The following CADM2 variants were observed in gnomAD, a reference collection of about 807,000 sequenced individuals.
CADM2 encodes immunoglobulin superfamily member 4D.
CADM2 carries 12 observed loss-of-function variants against 49.8 expected under a neutral mutation model. The ratio of observed to expected loss-of-function variants is 0.24; its 90% CI spans 0.15 to 0.39. The LOEUF (loss-of-function observed/expected upper bound fraction) is 0.39. Among genes scored for constraint, CADM2 ranks in the 10% least tolerant of loss-of-function variants. CADM2 has a pLI of 1.00. For synonymous variants in CADM2, 214 were observed against 175.4 expected (o/e 1.22, Z -1.74); for missense variants, 378 against 492.3 (o/e 0.77, Z 2.20).
chr3:85,068,450 T>C (rs2036600251), intron 1 of CADM2, among the ~76,000 whole-genome samples: 3 of 152,114 alleles, frequency 2.0e-5, no homozygotes, highest in South Asian at 2.1e-4. Context: ...ATATGTTAAG[T>C]TGAATTCTGA....
intron 1 of CADM2, among the ~76,000 whole-genome samples, chr3:85,700,115 G>T (rs796924107): frequency 7.9e-5 from 12 of 152,290 alleles, no homozygotes; most frequent in African/African-American, 2.9e-4. Flanking sequence ...ACTGGATAAA[G>T]AAAATGTGGC....
At chr3:85,502,854 T>C (rs990101158) in intron 1 of CADM2, among the ~76,000 whole-genome samples, 1 of 152,160 alleles carries the variant, frequency 6.6e-6, no homozygotes, top group African/African-American at 2.4e-5. Flanking sequence ...TCAATTACTG[T>C]TTATGTCAAC....
chr3:85,313,252 G>C (rs976316111), intron 1 of CADM2, among the ~76,000 whole-genome samples: 1 of 152,194 alleles, frequency 6.6e-6, no homozygotes, highest in African/African-American at 2.4e-5. Context: ...CCTGTCATTA[G>C]CTACAGATGC....
rs569701048 is a variant in CADM2, at chr3:85,940,356, AAC to A, written c.791+4501_791+4502del. Among the ~76,000 whole-genome samples, 132 of 151,730 alleles carry A rather than the reference AAC, an allele frequency of 8.7e-4. 1 individual carries two copies. The highest frequency in any genetic ancestry group is 3.0e-3 in the African/African-American group (126 of 41,420). ...CTCCATCCAAAAAAAATTACAGCAA[AAC>A]AGTTTTATATAAAGTCAATTTTCTT... On this transcript the variant is annotated intron_variant, in intron 7 of 9. Coordinates refer to ENST00000383699, the MANE Select transcript of CADM2 (RefSeq NM_001167675.2).
intron 5 of CADM2, among the ~76,000 whole-genome samples, chr3:85,910,764 C>T (rs1384428167): frequency 6.6e-6 from 1 of 151,802 alleles, no homozygotes; most frequent in East Asian, 1.9e-4. Flanking sequence ...GGTCATTTTC[C>T]CCTAATATGT....
chr3:85,444,529 A>G (rs1278699392), intron 1 of CADM2, among the ~76,000 whole-genome samples: 4 of 151,958 alleles, frequency 2.6e-5, no homozygotes, highest in African/African-American at 9.7e-5. Flanking sequence ...GTTCTCTGAG[A>G]TATCCCCATA....
chr3:85,646,764 G>A (rs974012332), intron 1 of CADM2, among the ~76,000 whole-genome samples: 1 of 151,840 alleles, frequency 6.6e-6, no homozygotes, highest in East Asian at 1.9e-4. Flanking sequence ...TGAAAACTAG[G>A]CCAGATTTAA....
intron 1 of CADM2, among the ~76,000 whole-genome samples, chr3:85,290,232 G>T (rs559905226): frequency 2.6e-5 from 4 of 152,138 alleles, no homozygotes; most frequent in African/African-American, 4.8e-5. Flanking sequence ...TTTTCCGATC[G>T]GCTTAAAAAA....
intron 1 of CADM2, among the ~76,000 whole-genome samples, chr3:85,472,458 C>A (rs879518037): frequency 6.6e-6 from 1 of 151,628 alleles, no homozygotes; most frequent in Non-Finnish European, 1.5e-5. Flanking sequence ...ATGTAGATAC[C>A]GATGAGGATA....
At chr3:85,060,247 A>G (rs1163906304) in intron 1 of CADM2, among the ~76,000 whole-genome samples, 3 of 151,874 alleles carry the variant, frequency 2.0e-5, no homozygotes, top group Admixed American at 1.3e-4. Context: ...TCTCCTGCCT[A>G]AGCCTCCTAA....
chr3:85,109,278 T>G (rs1025322344), intron 1 of CADM2, among the ~76,000 whole-genome samples: 2 of 151,912 alleles, frequency 1.3e-5, no homozygotes, highest in Admixed American at 1.3e-4. Context: ...GTCCATAAAA[T>G]TCATTCTCCA....
At chr3:86,014,901 G>T in intron 8 of CADM2, 3 of 1,533,026 alleles carry the variant, frequency 2.0e-6, no homozygotes, top group Non-Finnish European at 2.7e-6. Flanking sequence ...TATTCTTCCT[G>T]TGATGACGGT....
At chr3:85,101,422 C>CA (rs1237236981) in intron 1 of CADM2, among the ~76,000 whole-genome samples, 1 of 151,826 alleles carries the variant, frequency 6.6e-6, no homozygotes, top group Non-Finnish European at 1.5e-5. Context: ...TAAAGGCCTC[C>CA]AAAAAAAGAT....
At chr3:85,693,980 C>T (rs1577100614) in intron 1 of CADM2, among the ~76,000 whole-genome samples, 1 of 149,938 alleles carries the variant, frequency 6.7e-6, no homozygotes, top group African/African-American at 2.5e-5. Context: ...TTGAAAAATG[C>T]ATATAAAGAA....
At chr3:85,052,283 A>G (rs182915782) in intron 1 of CADM2, among the ~76,000 whole-genome samples, 1 of 152,256 alleles carries the variant, frequency 6.6e-6, no homozygotes, top group East Asian at 1.9e-4. Context: ...ATCTCTGGTA[A>G]CATGGATTAG....
At chr3:85,080,861 A>G (rs1488479249) in intron 1 of CADM2, among the ~76,000 whole-genome samples, 1 of 152,058 alleles carries the variant, frequency 6.6e-6, no homozygotes, top group Non-Finnish European at 1.5e-5. Flanking sequence ...TTATGTTTCT[A>G]AAAATTACAC....
chr3:85,965,565 T>C (rs1184022124), intron 8 of CADM2, among the ~76,000 whole-genome samples: 1 of 151,496 alleles, frequency 6.6e-6, no homozygotes, highest in East Asian at 2.0e-4. Flanking sequence ...GTTAACGCTA[T>C]TGAAAAATGA....
intron 8 of CADM2, among the ~76,000 whole-genome samples, chr3:86,006,930 A>G (rs1730865549): frequency 6.6e-6 from 1 of 151,934 alleles, no homozygotes; most frequent in African/African-American, 2.4e-5. Context: ...AATCCCAGCT[A>G]CTCGGGAGGC....
intron 1 of CADM2, among the ~76,000 whole-genome samples, chr3:85,637,318 A>T (rs948301398): frequency 2.0e-5 from 3 of 151,806 alleles, no homozygotes; most frequent in Non-Finnish European, 4.4e-5. Flanking sequence ...AAAAGGTATT[A>T]TTGGCCGGGC....
Sources: allele counts gnomAD v4.1 joint callset (sites outside exome capture counted in the v4.1 genomes callset), GRCh38; gene constraint gnomAD v4.1.1; transcripts MANE v1.5; gene names NCBI Gene and HGNC (gene_info 2026-07-23, HGNC 2026-07-21).